The following TRPV5 variants were observed in gnomAD, a reference collection of about 807,000 sequenced individuals.
TRPV5 encodes the protein calcium transport protein 2.
A neutral mutation model predicts 74.1 loss-of-function variants in TRPV5; 66 were observed. The ratio of observed to expected loss-of-function variants is 0.89; its 90% CI spans 0.73 to 1.09. TRPV5 has a LOEUF of 1.09. TRPV5 is among the 50% of genes least tolerant of loss of function. TRPV5 has a pLI of 0.00. For synonymous variants in TRPV5, 399 were observed against 360.7 expected (o/e 1.11, Z -1.20); for missense variants, 936 against 930.4 (o/e 1.01, Z -0.08).
intron 3 of TRPV5, 82 bp downstream of exon 3, chr7:142,929,976 C>G: frequency 6.3e-7 from 1 of 1,598,176 alleles, no homozygotes; most frequent in Non-Finnish European, 8.5e-7. Flanking sequence ...CCCAACCCAT[C>G]CTTCAGAGGC....
At position 142,925,697 on chromosome 7, in the gene TRPV5, G is replaced by A. The variant is rs747384584; in HGVS notation, c.954C>T (p.Ser318=). ...LEQTPVKELV[S]FKWNKYGRPY... ...GCCGGCCATACTTGTTCCACTTGAA[G>A]CTCACCAGCTCCTTCACTGGGGTCT... The change falls in exon 8 of 15, where the codon AGC becomes AGT. Residue 318 remains serine (S), a synonymous_variant. Coordinates refer to ENST00000265310, the MANE Select transcript of TRPV5 (RefSeq NM_019841.7). 12 of 1,614,048 alleles carry A rather than the reference G, an allele frequency of 7.4e-6. No individual in the cohort carries two copies.
Position 142,929,050 on chromosome 7 carries a change from T to C in TRPV5, c.558A>G (p.Gly186=). The C allele has an allele frequency of 6.2e-7, 1 of 1,613,958 alleles. No homozygotes were observed. ...GGGAGTCCTGGGCCCTGATGTCAGC[T>C]CCATGCTCAATGAGCAGCCGCACGA... ...EEIVRLLIEH[G]ADIRAQDSLG... is the part of the protein sequence containing the mutation. Residue 186 remains glycine, a synonymous_variant, in exon 5 of 15, where the codon GGA becomes GGG. Transcript: ENST00000265310.
chr7:142,919,212 A>G (rs1431890847), intron 8 of TRPV5, among the ~76,000 whole-genome samples: 2 of 152,148 alleles, frequency 1.3e-5, no homozygotes, highest in Non-Finnish European at 2.9e-5. Flanking sequence ...CTCCCAGCAC[A>G]CTGAAAGTGT....
chr7:142,925,618 T>C lies in TRPV5; in HGVS notation c.1033A>G (p.Thr345Ala). ...LYLLYMICFTTCCVYRPLKFR... is the reference protein window; with the variant it reads ...LYLLYMICFTACCVYRPLKFR... Reference sequence around the variant, plus strand: ...TTAAGGGGGCGGTAGACGCAGCACGTAGTAAAGCAGATCATGTAGAGCAGG... The same window carrying C: ...TTAAGGGGGCGGTAGACGCAGCACGCAGTAAAGCAGATCATGTAGAGCAGG... The change falls in exon 8 of 15, where the codon ACG (threonine) becomes GCG (alanine). Residue 345 changes from threonine (T) to alanine (A), a missense_variant. Coordinates refer to ENST00000265310, the MANE Select transcript of TRPV5 (RefSeq NM_019841.7). 1.2e-6 allele frequency: 2 copies of C among 1,614,080 alleles called. No individual in the cohort carries two copies. The highest frequency in any genetic ancestry group is 1.7e-6 in the Non-Finnish European group (2 of 1,180,014).
chr7:142,930,531 G>T, intron 1 of TRPV5, 85 bp from the exon 2 acceptor site: 1 of 974,720 alleles, frequency 1.0e-6, no homozygotes. Flanking sequence ...CATTCTTTAA[G>T]ACCAACGTGA....
chr7:142,908,494 A>G lies in TRPV5; in HGVS notation c.*20T>C, dbSNP rs756050066. The G allele has an allele frequency of 2.5e-6, 4 of 1,612,640 alleles. No individual in the cohort carries two copies. The African/African-American group carries it at 5.3e-5, about 22-fold the overall frequency. ...CCCCAGGCCAACCGGGAGTAAGGTC[A>G]AGAGTGATAGCGATGTTAATCAAAA... On this transcript the variant is annotated 3_prime_UTR_variant, in exon 15 of 15. Transcript: ENST00000265310.
intron 8 of TRPV5, among the ~76,000 whole-genome samples, chr7:142,921,267 C>T (rs1168547530): frequency 3.9e-5 from 6 of 152,152 alleles, no homozygotes; most frequent in Non-Finnish European, 5.9e-5. Context: ...CATTCCTAGG[C>T]CAATCCACCA....
chr7:142,908,837 A>G (rs754387951), intron 14 of TRPV5, 29 bp from the exon 15 acceptor site: 10 of 1,595,410 alleles, frequency 6.3e-6, no homozygotes, highest in East Asian at 2.2e-5. Context: ...AAAGGACTCA[A>G]TCCAGGTGGG....
At position 142,924,340 on chromosome 7, in the gene TRPV5, A is replaced by G. The variant is rs1201781552; in HGVS notation, c.1122+1189T>C. 1.1e-3 allele frequency among the ~76,000 whole-genome samples: 5 copies of G among 4,712 alleles called. 1 individual carries two copies. Among genetic ancestry groups the G allele is most frequent in the African/African-American group, 2.3e-3 (3 of 1,284 alleles). The allele number at this position is 4,712 out of a possible 152,430, so 3.1% of individuals were successfully genotyped here. A position where few individuals can be genotyped will look rare whatever the true frequency, so the allele number is the denominator to read the frequency against. On this transcript the variant is annotated intron_variant, in intron 8 of 14. Coordinates refer to ENST00000265310, the MANE Select transcript of TRPV5 (RefSeq NM_019841.7). Reference sequence around the variant, plus strand: ...CACATATACATGTATATATATACATATATATATATATAGACATATACATGT... The same window carrying G: ...CACATATACATGTATATATATACATGTATATATATATAGACATATACATGT...
intron 3 of TRPV5, 42 bp from the exon 4 acceptor site, chr7:142,929,607 C>T (rs1479148337): frequency 6.2e-7 from 1 of 1,601,522 alleles, no homozygotes; most frequent in East Asian, 2.2e-5. Flanking sequence ...CCTCTGTCCC[C>T]AGTTCTCTCA....
intron 10 of TRPV5, 72 bp from the exon 11 acceptor site, chr7:142,915,118 C>T (rs1795771563): frequency 3.2e-6 from 5 of 1,571,644 alleles, no homozygotes; most frequent in Middle Eastern, 3.7e-4. Context: ...TAGTGGTGAC[C>T]GGGGTGGTAT....
chr7:142,933,728 C>A lies in TRPV5; in HGVS notation c.-269G>T. Reference sequence around the variant, plus strand: ...GGTTGTGAGGTGGTGTGTGTGCATGCAGGTGCGCTGAGGGGACTGACCGCC... The same window carrying A: ...GGTTGTGAGGTGGTGTGTGTGCATGAAGGTGCGCTGAGGGGACTGACCGCC... On this transcript the variant is annotated 5_prime_UTR_variant, in exon 1 of 15. Coordinates refer to ENST00000265310, the MANE Select transcript of TRPV5 (RefSeq NM_019841.7). 2.3e-6 allele frequency: 1 copy of A among 443,110 alleles called. No homozygotes were observed. 27.4% of individuals were successfully genotyped at this position (443,110 alleles called of 1,614,324 possible).
chr7:142,923,401 T>G (rs952490089), intron 8 of TRPV5, among the ~76,000 whole-genome samples: 3 of 152,210 alleles, frequency 2.0e-5, no homozygotes, highest in African/African-American at 7.2e-5. Context: ...TAGGAGCCCC[T>G]GATCTAATCC....
At chr7:142,917,461 G>A (rs915312654) in intron 8 of TRPV5, among the ~76,000 whole-genome samples, 5 of 152,102 alleles carry the variant, frequency 3.3e-5, no homozygotes, top group Non-Finnish European at 5.9e-5. Context: ...ATAAGTTGGC[G>A]AGGATGGCTG....
In TRPV5 at chr7:142,913,191, C is replaced by G. The variant is rs542846218; in HGVS notation, c.1520-441G>C. Among the ~76,000 whole-genome samples, 3 of 152,266 alleles carry G rather than the reference C, an allele frequency of 2.0e-5. No individual in the cohort carries two copies. In the South Asian group the frequency reaches 6.2e-4, roughly 32 times the overall value. The stretch of plus-strand genomic sequence containing the variant: ...ACATGAACAGGCTAAAAGAAGAGCC[C>G]CTTTTTTAATCTTGATGGCCTCTAG... On this transcript the variant is annotated intron_variant, in intron 12 of 14. Transcript: ENST00000265310.
intron 1 of TRPV5, 41 bp downstream of exon 1, chr7:142,933,291 G>A (rs758000168): frequency 1.9e-6 from 3 of 1,607,598 alleles, no homozygotes; most frequent in Non-Finnish European, 2.5e-6. Context: ...AGGGTCTGAG[G>A]ATCACGGCGG....
chr7:142,929,945 C>T (rs4252404), intron 3 of TRPV5, 113 bp downstream of exon 3: 27,507 of 1,529,858 alleles, frequency 0.018, 323 homozygotes, highest in Middle Eastern at 0.061. Context: ...AGCCCATCCT[C>T]CTGACCCTCC....
intron 8 of TRPV5, among the ~76,000 whole-genome samples, chr7:142,916,456 A>G (rs1319584287): frequency 6.6e-6 from 1 of 151,712 alleles, no homozygotes; most frequent in Non-Finnish European, 1.5e-5. Flanking sequence ...TTGAAAACAT[A>G]ATAAAAACTG....
chr7:142,918,304 T>C (rs1231667837), intron 8 of TRPV5, among the ~76,000 whole-genome samples: 1 of 152,234 alleles, frequency 6.6e-6, no homozygotes, highest in East Asian at 1.9e-4. Context: ...TGGTTATGTT[T>C]GGCAAAGTAA....
Sources: allele counts gnomAD v4.1 joint callset (sites outside exome capture counted in the v4.1 genomes callset), GRCh38; gene constraint gnomAD v4.1.1; transcripts MANE v1.5; gene names NCBI Gene and HGNC (gene_info 2026-07-23, HGNC 2026-07-21).